The following RAB30 variants were observed in gnomAD, a reference collection of about 807,000 sequenced individuals.
RAB30 encodes RAB30, member RAS oncogene family.
In RAB30, 9 loss-of-function variants were observed where a neutral mutation model predicts 25.1. That is an observed-to-expected ratio of 0.36 (90% CI 0.22 to 0.63). The LOEUF is 0.63. Ranked by LOEUF, RAB30 falls within the 20% of genes least tolerant of loss-of-function variation. The pLI is 0.69. For missense variants in RAB30, 140 were observed against 243.5 expected, an observed-to-expected ratio of 0.58 and a Z score of 2.83; for synonymous variants, 77 against 86.4, an observed-to-expected ratio of 0.89 and a Z score of 0.60.
intron 4 of RAB30, among the ~76,000 whole-genome samples, chr11:82,985,967 G>A (rs1856732022): frequency 6.6e-6 from 1 of 152,048 alleles, no homozygotes; most frequent in Non-Finnish European, 1.5e-5. Context: ...TTACAGGTGT[G>A]AGCCACCATG....
chr11:83,063,351 C>T (rs954924243), intron 1 of RAB30, among the ~76,000 whole-genome samples: 1 of 152,194 alleles, frequency 6.6e-6, no homozygotes, highest in Non-Finnish European at 1.5e-5. Context: ...AGGAAGTGAG[C>T]AGAAGATATT....
At chr11:83,020,781 A>G (rs1191497681) in intron 1 of RAB30, among the ~76,000 whole-genome samples, 1 of 152,164 alleles carries the variant, frequency 6.6e-6, no homozygotes, top group Non-Finnish European at 1.5e-5. Context: ...AGTTGTAGAG[A>G]GGAGCTACCT....
intron 1 of RAB30, among the ~76,000 whole-genome samples, chr11:83,010,281 C>T: frequency 6.6e-6 from 1 of 152,100 alleles, no homozygotes; most frequent in East Asian, 1.9e-4. Context: ...CAAGACCCAA[C>T]CTCTACAAGA....
chr11:82,990,781 T>G (rs184366221), intron 3 of RAB30, among the ~76,000 whole-genome samples: 1 of 152,188 alleles, frequency 6.6e-6, no homozygotes, highest in Non-Finnish European at 1.5e-5. Context: ...TTTATTCTGC[T>G]AAAACATACA....
Position 82,979,339 on chromosome 11 carries a change from C to T in RAB30, c.*2826G>A, listed in dbSNP as rs1457667554. On this transcript the variant is annotated 3_prime_UTR_variant, in exon 5 of 5. Coordinates refer to ENST00000527633, the MANE Select transcript of RAB30 (RefSeq NM_001286060.2). ...ACCAAAAATGGAGGAATACATCAACCCTGGTGGTCTTAGTAGACCGAGCCA... is the reference window on the plus strand; with the variant it reads ...ACCAAAAATGGAGGAATACATCAACTCTGGTGGTCTTAGTAGACCGAGCCA... The T allele has an allele frequency of 6.6e-6, 1 of 152,126 alleles. No homozygotes were observed. The highest frequency in any genetic ancestry group is 1.5e-5 in the Non-Finnish European group (1 of 68,022). 9.4% of individuals were successfully genotyped at this position (152,126 alleles called of 1,614,324 possible). A position where few individuals can be genotyped will look rare whatever the true frequency, so the allele number is the denominator to read the frequency against.
chr11:82,990,116 C>T (rs1016696003), intron 3 of RAB30, among the ~76,000 whole-genome samples: 5 of 152,340 alleles, frequency 3.3e-5, no homozygotes, highest in South Asian at 2.1e-4. Context: ...ACTGTAGCCA[C>T]GGGCTTTCTA....
rs1856572147 is a variant in RAB30 at position 82,977,906 on chromosome 11, TTCAG to T, written c.*4255_*4258del. On this transcript the variant is annotated 3_prime_UTR_variant, in exon 5 of 5. Transcript: ENST00000527633. Reference sequence around the variant, plus strand: ...TTTTGAAGGGATGATAATTTCTTAATTCAGTATGAAAAAATTACCAGTGTGAAGA... The same window carrying T: ...TTTTGAAGGGATGATAATTTCTTAATTATGAAAAAATTACCAGTGTGAAGA... 1.3e-5 allele frequency: 2 copies of T among 152,316 alleles called. No individual in the cohort carries two copies. Among genetic ancestry groups the T allele is most frequent in the Non-Finnish European group, 1.5e-5 (1 of 68,028 alleles). 9.4% of individuals were successfully genotyped at this position (152,316 alleles called of 1,614,324 possible).
chr11:83,006,856 A>C (rs1857195384), intron 1 of RAB30, among the ~76,000 whole-genome samples: 1 of 152,206 alleles, frequency 6.6e-6, no homozygotes, highest in African/African-American at 2.4e-5. Context: ...CAGCACAGTG[A>C]GTCTCTACAA....
rs1856495517 is a variant in RAB30 at position 82,973,781 on chromosome 11, C to T, written c.*8384G>A. ...ATTGTTTTTAAGAGAGATGTGAAAACATACACCCATACAAAAAACTTTTAC... is the reference window on the plus strand; with the variant it reads ...ATTGTTTTTAAGAGAGATGTGAAAATATACACCCATACAAAAAACTTTTAC... On this transcript the variant is annotated 3_prime_UTR_variant, in exon 5 of 5. Coordinates refer to ENST00000527633, the MANE Select transcript of RAB30 (RefSeq NM_001286060.2). The T allele has an allele frequency of 6.6e-6, 1 of 152,104 alleles. No individual in the cohort carries two copies. The highest frequency in any genetic ancestry group is 2.4e-5 in the African/African-American group (1 of 41,408). The allele number at this position is 152,104 out of a possible 1,614,324, so 9.4% of individuals were successfully genotyped here.
At chr11:83,029,478 C>G (rs981223176) in intron 1 of RAB30, among the ~76,000 whole-genome samples, 1 of 151,954 alleles carries the variant, frequency 6.6e-6, no homozygotes, top group South Asian at 2.1e-4. Flanking sequence ...TCATGGCTCA[C>G]TGCAGCCTCA....
chr11:82,984,893 A>C (rs1856711083), intron 4 of RAB30, among the ~76,000 whole-genome samples: 1 of 152,236 alleles, frequency 6.6e-6, no homozygotes, highest in African/African-American at 2.4e-5. Flanking sequence ...TCAGGAGCCC[A>C]TTTGAAGAAG....
intron 2 of RAB30, among the ~76,000 whole-genome samples, chr11:82,994,361 A>G (rs1334079195): frequency 6.6e-6 from 1 of 152,192 alleles, no homozygotes; most frequent in East Asian, 1.9e-4. Context: ...GGAAAGAGAC[A>G]GGAGGACAGA....
chr11:83,023,810 C>T (rs1315737985), intron 1 of RAB30, among the ~76,000 whole-genome samples: 1 of 152,170 alleles, frequency 6.6e-6, no homozygotes, highest in African/African-American at 2.4e-5. Context: ...CCCCGTGATA[C>T]GTCTCACCTC....
Position 83,014,650 on chromosome 11 carries a change from G to GAAAGA in RAB30, c.-8-17331_-8-17327dup, listed in dbSNP as rs1857382955. On this transcript the variant is annotated intron_variant, in intron 1 of 4. Transcript: ENST00000527633. ...GAAGTAAGAAAAAGAAAGAAAGAAA[G>GAAAGA]AAAGAAAGAAAGAAAGAAAGAAAGA... Among the ~76,000 whole-genome samples the GAAAGA allele has an allele frequency of 2.4e-5, 3 of 123,578 alleles. No individual in the cohort carries two copies. In the East Asian group the frequency reaches 7.3e-4, roughly 30 times the overall value. The allele number at this position is 123,578 out of a possible 152,430, so 81.1% of individuals were successfully genotyped here.
intron 1 of RAB30, among the ~76,000 whole-genome samples, chr11:83,030,650 A>C (rs1857834860): frequency 6.6e-6 from 1 of 152,110 alleles, no homozygotes; most frequent in Non-Finnish European, 1.5e-5. Flanking sequence ...AACAAAAGTT[A>C]GCTAGGCATG....
At chr11:83,009,018 C>A (rs1488940137) in intron 1 of RAB30, among the ~76,000 whole-genome samples, 2 of 152,070 alleles carry the variant, frequency 1.3e-5, no homozygotes, top group African/African-American at 4.8e-5. Flanking sequence ...GAACCCTGAG[C>A]TCCTTAAAGT....
Position 83,017,751 on chromosome 11 carries a change from T to C in RAB30, c.-8-20427A>G, listed in dbSNP as rs981900981. On this transcript the variant is annotated intron_variant, in intron 1 of 4. Transcript: ENST00000527633. ...TAAGTAGTATATCATGGTGTATATA[T>C]ACCATATTTTCTTTATCTGCTCATT... Among the ~76,000 whole-genome samples the C allele has an allele frequency of 4.6e-5, 7 of 152,234 alleles. 1 individual carries two copies. Among genetic ancestry groups the C allele is most frequent in the Admixed American group, 2.0e-4 (3 of 15,282 alleles).
At chr11:83,021,646 C>T (rs984294726) in intron 1 of RAB30, among the ~76,000 whole-genome samples, 3 of 152,234 alleles carry the variant, frequency 2.0e-5, no homozygotes, top group Admixed American at 2.0e-4. Context: ...GGATCCAGCC[C>T]GGTAGCATGA....
chr11:83,006,106 T>A (rs766320476), intron 1 of RAB30, among the ~76,000 whole-genome samples: 1 of 152,134 alleles, frequency 6.6e-6, no homozygotes. Flanking sequence ...TATGGAGAAA[T>A]GGGGCACTTG....
Sources: allele counts gnomAD v4.1 joint callset (sites outside exome capture counted in the v4.1 genomes callset), GRCh38; gene constraint gnomAD v4.1.1; transcripts MANE v1.5; gene names NCBI Gene and HGNC (gene_info 2026-07-23, HGNC 2026-07-21).